Variants in ZNF563 observed in about 807,000 individuals in gnomAD.
ZNF563 encodes the protein zinc finger protein 563.
Under a neutral mutation model 48.5 loss-of-function variants are expected in ZNF563, and 39 were observed. The observed-to-expected ratio is 0.80, with a 90% CI of 0.62 to 1.05. The LOEUF (loss-of-function observed/expected upper bound fraction) is 1.05, where lower values mean the gene tolerates loss of function less well. ZNF563 is among the 50% of genes least tolerant of loss of function. ZNF563 has a pLI of 0.00. For missense variants in ZNF563, 538 were observed against 597.0 expected, an observed-to-expected ratio of 0.90 and a Z score of 1.03; for synonymous variants, 168 against 187.9, an observed-to-expected ratio of 0.89 and a Z score of 0.87.
chr19:12,343,832 G>A, the ZNF563 span, among the ~76,000 whole-genome samples: 1 of 146,320 alleles, frequency 6.8e-6, no homozygotes, highest in East Asian at 2.1e-4. Context: ...CCGGGTTCAC[G>A]CCATTCTTCT....
chr19:12,336,293 T>C (rs148187555), upstream of ZNF563, among the ~76,000 whole-genome samples: 1,163 of 151,862 alleles, frequency 7.7e-3, 15 homozygotes, highest in African/African-American at 0.026. Flanking sequence ...AGATCTTGGT[T>C]CCTCAAAAAC....
Position 12,318,834 on chromosome 19 carries a change from T to G in ZNF563, c.1191A>C (p.Ile397=). 6.2e-7 allele frequency: 1 copy of G among 1,614,128 alleles called. No homozygotes were observed. The highest frequency in any genetic ancestry group is 8.5e-7 in the Non-Finnish European group (1 of 1,180,004). ...HTGGGPHKCK[I]CGKAFVYPSV... is the part of the protein sequence containing the mutation. Reference sequence around the variant, plus strand: ...TAGGATAAACAAAAGCTTTCCCACATATCTTGCATTTATGAGGTCCACCTC... The same window carrying G: ...TAGGATAAACAAAAGCTTTCCCACAGATCTTGCATTTATGAGGTCCACCTC... Residue 397 remains isoleucine (I), a synonymous_variant, in exon 4 of 4, where the codon ATA becomes ATC. Transcript: ENST00000293725.
intron 3 of ZNF563, 100 bp from the exon 4 acceptor site, chr19:12,319,933 CT>C: frequency 9.0e-7 from 1 of 1,110,256 alleles, no homozygotes. Flanking sequence ...TTTTTTTTCC[CT>C]GAGATGGAGT....
chr19:12,331,027 A>G (rs1347438583), intron 1 of ZNF563, among the ~76,000 whole-genome samples: 1 of 152,172 alleles, frequency 6.6e-6, no homozygotes, highest in Non-Finnish European at 1.5e-5. Flanking sequence ...CTTACTACAC[A>G]GGCTCTGTGT....
chr19:12,324,720 G>GGA lies in ZNF563; in HGVS notation c.4-2010_4-2009insTC, dbSNP rs1269994153. On this transcript the variant is annotated intron_variant, in intron 1 of 3. Transcript: ENST00000293725. Reference sequence around the variant, plus strand: ...TGACAAGAGCGAAACTCCGTCTCAAGAAAAAAAAAAAAAAAAAAAAAAAAC... The same window carrying GGA: ...TGACAAGAGCGAAACTCCGTCTCAAGGAAAAAAAAAAAAAAAAAAAAAAAAAC... Among the ~76,000 whole-genome samples the GGA allele has an allele frequency of 3.1e-3, 177 of 56,824 alleles. 1 individual carries two copies. The highest frequency in any genetic ancestry group is 5.4e-3 in the South Asian group (8 of 1,484). The allele number at this position is 56,824 out of a possible 152,430, so 37.3% of individuals were successfully genotyped here.
upstream of ZNF563, among the ~76,000 whole-genome samples, chr19:12,337,211 C>T (rs28652928): frequency 0.041 from 6,215 of 151,038 alleles, 402 homozygotes; most frequent in African/African-American, 0.14. Context: ...TTATTTCTCT[C>T]TTTTTTTTTG....
rs1362842710 is a variant in ZNF563, at chr19:12,319,248, A to G, written c.777T>C (p.Ser259=). The change falls in exon 4 of 4, where the codon TCT becomes TCC. Residue 259 remains serine, a synonymous_variant. Coordinates refer to ENST00000293725, the MANE Select transcript of ZNF563 (RefSeq NM_145276.3). ...AGGAACTGGAATCAGGCAAGGCTTT[A>G]GAACACTGCTTACATTCATACGGTT... The part of the protein sequence containing the change: ...GEKPYECKQC[S]KALPDSSSYI... 2 of 1,613,902 alleles carry G rather than the reference A, an allele frequency of 1.2e-6. No homozygotes were observed. The highest frequency in any genetic ancestry group is 1.1e-5 in the South Asian group (1 of 91,040).
chr19:12,320,443 G>C (rs538104272), intron 3 of ZNF563, among the ~76,000 whole-genome samples: 1 of 151,726 alleles, frequency 6.6e-6, no homozygotes, highest in African/African-American at 2.4e-5. Context: ...CTGAACTCAA[G>C]TGATCTACCT....
At chr19:12,330,464 G>A (rs896292536) in intron 1 of ZNF563, among the ~76,000 whole-genome samples, 2 of 152,126 alleles carry the variant, frequency 1.3e-5, no homozygotes, top group Non-Finnish European at 1.5e-5. Context: ...GCAATCCTAC[G>A]TAATTAAGAC....
At chr19:12,339,681 G>A in the ZNF563 span, among the ~76,000 whole-genome samples, 1 of 152,220 alleles carries the variant, frequency 6.6e-6, no homozygotes, top group East Asian at 1.9e-4. Flanking sequence ...ATGTAGGAGG[G>A]CATTGAGCAG....
upstream of ZNF563, chr19:12,333,862 G>A (rs1968983424): frequency 6.8e-6 from 2 of 292,900 alleles, no homozygotes; most frequent in Non-Finnish European, 1.3e-5. Flanking sequence ...GACAGGGCAG[G>A]CTTCCTCCCT....
At chr19:12,337,549 G>A (rs1403149391), upstream of ZNF563, among the ~76,000 whole-genome samples, 1 of 152,016 alleles carries the variant, frequency 6.6e-6, no homozygotes, top group Admixed American at 6.6e-5. Flanking sequence ...TGGTTTTCCG[G>A]TTTTCTGGGG....
At chr19:12,342,567 G>A in the ZNF563 span, among the ~76,000 whole-genome samples, 1 of 151,380 alleles carries the variant, frequency 6.6e-6, no homozygotes, top group African/African-American at 2.4e-5. Context: ...GAGACCAGGA[G>A]TTTGAGACCA....
At chr19:12,334,259 A>G (rs146646099), upstream of ZNF563, among the ~76,000 whole-genome samples, 30 of 152,320 alleles carry the variant, frequency 2.0e-4, 1 homozygote, top group East Asian at 5.8e-3. Context: ...CGGCAGCAAT[A>G]AATGAATGAA....
At chr19:12,344,247 G>A in the ZNF563 span, among the ~76,000 whole-genome samples, 2 of 151,630 alleles carry the variant, frequency 1.3e-5, no homozygotes, top group African/African-American at 4.8e-5. Flanking sequence ...ACAAAAATTA[G>A]TTGGGTGTGG....
chr19:12,320,010 G>C (rs935813991), intron 3 of ZNF563, among the ~76,000 whole-genome samples, 177 bp from the exon 4 acceptor site: 1 of 151,442 alleles, frequency 6.6e-6, no homozygotes, highest in East Asian at 1.9e-4. Context: ...TCTTCCTCCC[G>C]GGTTCAAGCG....
intron 2 of ZNF563, among the ~76,000 whole-genome samples, chr19:12,321,981 T>C (rs1968637782): frequency 6.6e-6 from 1 of 152,202 alleles, no homozygotes; most frequent in South Asian, 2.1e-4. Flanking sequence ...CACTTTATTG[T>C]GAGAATATAG....
intron 1 of ZNF563, among the ~76,000 whole-genome samples, chr19:12,328,064 T>C (rs1029497047): frequency 1.3e-5 from 2 of 152,240 alleles, no homozygotes; most frequent in African/African-American, 2.4e-5. Context: ...CTGGATTTCA[T>C]TGATACGTGT....
At chr19:12,347,162 T>C in the ZNF563 span, 5 of 152,192 alleles carry the variant, frequency 3.3e-5, no homozygotes, top group African/African-American at 1.2e-4. Flanking sequence ...TCACTACAAG[T>C]TATTCTCATG....
Sources: gnomAD v4.1 joint callset for allele counts (sites outside exome capture counted in the v4.1 genomes callset) on GRCh38, gnomAD v4.1.1 for gene constraint, MANE v1.5 for transcripts, NCBI Gene and HGNC (gene_info 2026-07-23, HGNC 2026-07-21) for gene names.